ADAMTSL1: variants seen among roughly 807,000 people sequenced by gnomAD.
ADAMTSL1 encodes the protein ADAMTS like 1, also known as ADAMTS-like protein 1.
A neutral mutation model predicts 201.8 loss-of-function variants in ADAMTSL1; 126 were observed. The ratio of observed to expected loss-of-function variants is 0.62; its 90% CI spans 0.54 to 0.72. ADAMTSL1 has a LOEUF of 0.72. ADAMTSL1 is among the 30% of genes least tolerant of loss of function. The pLI is 0.00. For missense variants in ADAMTSL1, 2,679 were observed against 2,277.8 expected (o/e 1.18, Z -3.59); for synonymous variants, 1,121 against 903.4 (o/e 1.24, Z -4.32).
At chr9:18,180,001 A>T (rs1828380257) in intron 2 of ADAMTSL1, among the ~76,000 whole-genome samples, 1 of 152,160 alleles carries the variant, frequency 6.6e-6, no homozygotes, top group African/African-American at 2.4e-5. Context: ...CATCATAATG[A>T]CAGGATCAAA....
intron 2 of ADAMTSL1, among the ~76,000 whole-genome samples, chr9:18,264,462 T>G (rs1250780629): frequency 6.6e-6 from 1 of 152,064 alleles, no homozygotes; most frequent in Non-Finnish European, 1.5e-5. Flanking sequence ...AGTGTCCCAT[T>G]CAGAATAACA....
chr9:18,429,737 T>G (rs1188258718), intron 2 of ADAMTSL1, among the ~76,000 whole-genome samples: 1 of 152,196 alleles, frequency 6.6e-6, no homozygotes, highest in East Asian at 1.9e-4. Context: ...TTAAAATTTT[T>G]TATTCCATTT....
intron 15 of ADAMTSL1, 25 bp downstream of exon 15, chr9:18,721,690 C>A: frequency 6.2e-7 from 1 of 1,612,146 alleles, no homozygotes; most frequent in Non-Finnish European, 8.5e-7. Flanking sequence ...GCCTGCCCTG[C>A]TGTCCAGGGG....
chr9:18,136,063 T>C (rs577413007), intron 1 of ADAMTSL1, among the ~76,000 whole-genome samples: 1 of 152,284 alleles, frequency 6.6e-6, no homozygotes, highest in African/African-American at 2.4e-5. Context: ...CTGTAACCCA[T>C]GCCTCGCACT....
chr9:18,843,314 A>G lies in ADAMTSL1; in HGVS notation c.4249+13337A>G, dbSNP rs10963798. 3.9e-3 allele frequency among the ~76,000 whole-genome samples: 594 copies of G among 150,490 alleles called. 10 individuals are homozygous for G. In the East Asian group the frequency reaches 0.046, roughly 12 times the overall value. On this transcript the variant is annotated intron_variant, in intron 23 of 28. Transcript: ENST00000380548. ...TATGAAGCTTAGTTTGCCTGGATAT[A>G]AAATTCTGGGTTGAAAATTCTTTTC...
At chr9:18,317,738 C>G (rs1414201445) in intron 2 of ADAMTSL1, among the ~76,000 whole-genome samples, 1 of 152,192 alleles carries the variant, frequency 6.6e-6, no homozygotes, top group African/African-American at 2.4e-5. Context: ...TATCCCTGGC[C>G]TTGGTGGAGT....
intron 23 of ADAMTSL1, among the ~76,000 whole-genome samples, chr9:18,857,328 A>C (rs1231936199): frequency 6.6e-6 from 1 of 152,226 alleles, no homozygotes; most frequent in African/African-American, 2.4e-5. Flanking sequence ...CCCAAATCAC[A>C]CATTGCATTT....
intron 1 of ADAMTSL1, among the ~76,000 whole-genome samples, chr9:17,931,473 CATTT>C (rs2131319586): frequency 6.6e-6 from 1 of 152,254 alleles, no homozygotes; most frequent in Admixed American, 6.5e-5. Flanking sequence ...GAGGAGACGG[CATTT>C]AGAGACAAAC....
intron 2 of ADAMTSL1, among the ~76,000 whole-genome samples, chr9:18,458,624 A>T (rs1467701608): frequency 6.6e-6 from 1 of 152,204 alleles, no homozygotes; most frequent in African/African-American, 2.4e-5. Context: ...TTTTCAGAGC[A>T]TTCTTAGAGG....
At chr9:18,091,419 A>G (rs1824011319) in intron 1 of ADAMTSL1, among the ~76,000 whole-genome samples, 1 of 152,114 alleles carries the variant, frequency 6.6e-6, no homozygotes, top group East Asian at 1.9e-4. Flanking sequence ...AGAGTCTTGA[A>G]TTTCACCCTG....
In ADAMTSL1 at chr9:18,822,942, G is replaced by A. The variant is rs145429416; in HGVS notation, c.3935-3342G>A. The stretch of plus-strand genomic sequence containing the variant: ...AAGGGCTGGTGACGTTTTTTAAAGC[G>A]TCGTTGTCATCTCCTGAGAGAAAAA... On this transcript the variant is annotated intron_variant, in intron 21 of 28. Transcript: ENST00000380548. 4.6e-5 allele frequency among the ~76,000 whole-genome samples: 7 copies of A among 152,120 alleles called. No homozygotes were observed. In the East Asian group the frequency reaches 5.8e-4, roughly 13 times the overall value.
At chr9:18,279,714 A>G (rs1418414973) in intron 2 of ADAMTSL1, among the ~76,000 whole-genome samples, 1 of 152,154 alleles carries the variant, frequency 6.6e-6, no homozygotes, top group East Asian at 2.0e-4. Context: ...TTCCATCTAC[A>G]CAGATTTTTT....
intron 1 of ADAMTSL1, among the ~76,000 whole-genome samples, chr9:18,117,247 G>A (rs1651486887): frequency 6.6e-6 from 1 of 152,120 alleles, no homozygotes; most frequent in African/African-American, 2.4e-5. Context: ...TCCTTCTTCT[G>A]CTAAAATCTC....
intron 1 of ADAMTSL1, among the ~76,000 whole-genome samples, chr9:17,945,920 A>G (rs1300704703): frequency 1.3e-5 from 2 of 151,918 alleles, no homozygotes; most frequent in South Asian, 2.1e-4. Context: ...TACATATGTA[A>G]CTAACCTGCA....
intron 2 of ADAMTSL1, among the ~76,000 whole-genome samples, chr9:18,294,509 G>C (rs1450691403): frequency 1.3e-5 from 2 of 152,192 alleles, no homozygotes; most frequent in Non-Finnish European, 1.5e-5. Flanking sequence ...TAATTCATCT[G>C]TCCAGGTGGG....
At chr9:18,115,151 A>G (rs1825196758) in intron 1 of ADAMTSL1, among the ~76,000 whole-genome samples, 1 of 152,212 alleles carries the variant, frequency 6.6e-6, no homozygotes, top group African/African-American at 2.4e-5. Context: ...ATCAATTCAA[A>G]ACATCATAGA....
intron 1 of ADAMTSL1, among the ~76,000 whole-genome samples, chr9:17,979,943 G>A (rs941752725): frequency 6.6e-6 from 1 of 152,038 alleles, no homozygotes; most frequent in African/African-American, 2.4e-5. Context: ...GCTTAGAACT[G>A]AGGGGGCTAA....
intron 2 of ADAMTSL1, among the ~76,000 whole-genome samples, chr9:18,402,589 A>C (rs1818025792): frequency 6.6e-6 from 1 of 152,114 alleles, no homozygotes; most frequent in Non-Finnish European, 1.5e-5. Flanking sequence ...ATTTTTCAGC[A>C]TCCCTATATC....
chr9:18,024,140 A>G (rs888289216), intron 1 of ADAMTSL1, among the ~76,000 whole-genome samples: 5 of 152,108 alleles, frequency 3.3e-5, no homozygotes, highest in African/African-American at 1.2e-4. Flanking sequence ...ATTGGTAAAA[A>G]TGGATTGATA....
Sources: allele counts gnomAD v4.1 joint callset (sites outside exome capture counted in the v4.1 genomes callset), GRCh38; gene constraint gnomAD v4.1.1; transcripts MANE v1.5; gene names NCBI Gene and HGNC (gene_info 2026-07-23, HGNC 2026-07-21).